FRMD6: variants seen among roughly 807,000 people sequenced by gnomAD.
The protein encoded by FRMD6 is FERM domain-containing protein 6.
A neutral mutation model predicts 73.2 loss-of-function variants in FRMD6; 37 were observed. The ratio of observed to expected loss-of-function variants is 0.51; its 90% CI spans 0.39 to 0.66. The LOEUF is 0.66. FRMD6 is among the 30% of genes least tolerant of loss of function. The pLI, the probability that FRMD6 is intolerant of heterozygous loss-of-function variation, is 0.00. For missense variants in FRMD6, 714 were observed against 780.5 expected, an observed-to-expected ratio of 0.91 and a Z score of 1.02; for synonymous variants, 273 against 282.2, an observed-to-expected ratio of 0.97 and a Z score of 0.33.
chr14:51,416,334 G>A, the FRMD6 span, among the ~76,000 whole-genome samples: 1 of 152,186 alleles, frequency 6.6e-6, no homozygotes, highest in Non-Finnish European at 1.5e-5. Flanking sequence ...ATGTGTACCA[G>A]AAATGCTGGT....
intron 9 of FRMD6, among the ~76,000 whole-genome samples, chr14:51,713,213 T>C (rs1897044099): frequency 6.6e-6 from 1 of 152,172 alleles, no homozygotes; most frequent in African/African-American, 2.4e-5. Flanking sequence ...TCCCAGCCAC[T>C]TTGGGAGGCC....
the FRMD6 span, among the ~76,000 whole-genome samples, chr14:51,455,568 G>T: frequency 1.3e-5 from 2 of 152,168 alleles, no homozygotes; most frequent in African/African-American, 4.8e-5. Flanking sequence ...AGCATTTTTA[G>T]CTCTGAGTTT....
At chr14:51,494,437 A>G (rs1279579111) in intron 1 of FRMD6, among the ~76,000 whole-genome samples, 1 of 152,276 alleles carries the variant, frequency 6.6e-6, no homozygotes, top group East Asian at 1.9e-4. Context: ...GTTCTGAGCA[A>G]GTCCAAAACC....
intron 2 of FRMD6, among the ~76,000 whole-genome samples, chr14:51,601,060 C>G (rs1467777873): frequency 6.6e-6 from 1 of 152,100 alleles, no homozygotes; most frequent in Non-Finnish European, 1.5e-5. Context: ...TAAGAAGCAC[C>G]CTGATGCCCA....
At chr14:51,546,885 A>G (rs1452315272) in intron 1 of FRMD6, 1 of 152,172 alleles carries the variant, frequency 6.6e-6, no homozygotes, top group African/African-American at 2.4e-5. Flanking sequence ...AAACCCGGGT[A>G]AAAGAGTGTT....
the FRMD6 span, among the ~76,000 whole-genome samples, chr14:51,406,916 T>G: frequency 6.6e-6 from 1 of 152,200 alleles, no homozygotes; most frequent in Non-Finnish European, 1.5e-5. Context: ...TTAGAACACC[T>G]TGTTGTTGGT....
chr14:51,401,701 G>A, the FRMD6 span, among the ~76,000 whole-genome samples: 2 of 150,836 alleles, frequency 1.3e-5, no homozygotes, highest in South Asian at 4.2e-4. Flanking sequence ...CGAATGGGAC[G>A]CTGACAGAGG....
chr14:51,495,520 C>T (rs747457874), intron 1 of FRMD6, among the ~76,000 whole-genome samples: 11 of 152,276 alleles, frequency 7.2e-5, no homozygotes, highest in Non-Finnish European at 1.5e-4. Context: ...CCTCAGAAAC[C>T]AGCAACAAAT....
the FRMD6 span, among the ~76,000 whole-genome samples, chr14:51,453,046 C>T: frequency 6.6e-6 from 1 of 151,440 alleles, no homozygotes; most frequent in Admixed American, 6.6e-5. Context: ...GAAAAGGGAA[C>T]AAGAGAGATA....
At chr14:51,423,651 A>G in the FRMD6 span, among the ~76,000 whole-genome samples, 618 of 151,808 alleles carry the variant, frequency 4.1e-3, 2 homozygotes, top group East Asian at 8.7e-3. Context: ...ATGTGCCAGG[A>G]CTCTCCGGAA....
rs541951054 is a variant in FRMD6, at chr14:51,608,007, T to G, written c.-147+37597T>G. ...AATTATTTGAGGCTCTGGGCAGTTT[T>G]CTGTGCATCAGATCCAGTAACACAA... On this transcript the variant is annotated intron_variant, in intron 2 of 14. Transcript: ENST00000356218. Among the ~76,000 whole-genome samples, 329 of 152,322 alleles carry G rather than the reference T, an allele frequency of 2.2e-3. 1 individual carries two copies. The highest frequency in any genetic ancestry group is 7.3e-3 in the African/African-American group (305 of 41,556).
At chr14:51,458,483 A>C in the FRMD6 span, among the ~76,000 whole-genome samples, 1 of 152,206 alleles carries the variant, frequency 6.6e-6, no homozygotes, top group Non-Finnish European at 1.5e-5. Flanking sequence ...AAATGGGTTA[A>C]GTCCTTTGAA....
rs760578165 is a variant in FRMD6 at position 51,712,586 on chromosome 14, T to G, written c.849+35T>G. On this transcript the variant is annotated intron_variant, in intron 9 of 13. Transcript: ENST00000344768. ...AAATAACTGGCTTAAAAGAAAAGTCTCATTAATTGCTTACTTTTTTGGGTT... is the reference window on the plus strand; with the variant it reads ...AAATAACTGGCTTAAAAGAAAAGTCGCATTAATTGCTTACTTTTTTGGGTT... 6 of 1,289,226 alleles carry G rather than the reference T, an allele frequency of 4.7e-6. No individual in the cohort carries two copies. The African/African-American group carries it at 8.9e-5, about 19-fold the overall frequency. The allele number at this position is 1,289,226 out of a possible 1,614,324, so 79.9% of individuals were successfully genotyped here.
chr14:51,605,828 T>C (rs1047978764), intron 2 of FRMD6, among the ~76,000 whole-genome samples: 7 of 152,246 alleles, frequency 4.6e-5, no homozygotes, highest in Non-Finnish European at 8.8e-5. Flanking sequence ...TATTCATCTG[T>C]AAAGGGAATT....
chr14:51,676,753 T>C (rs576189850), intron 1 of FRMD6, among the ~76,000 whole-genome samples: 67 of 152,248 alleles, frequency 4.4e-4, no homozygotes, highest in Middle Eastern at 3.4e-3. Context: ...TACCAAGTTA[T>C]GAAAAAAATT....
Position 51,721,730 on chromosome 14 carries a change from G to GGAAGGGAGGAAGGAA in FRMD6, c.1361-218_1361-217insAAGGGAGGAAGGAAG, listed in dbSNP as rs1566598337. 2.3e-3 allele frequency among the ~76,000 whole-genome samples: 261 copies of GGAAGGGAGGAAGGAA among 115,686 alleles called. 1 individual carries two copies. Among genetic ancestry groups the GGAAGGGAGGAAGGAA allele is most frequent in the Non-Finnish European group, 2.9e-3 (165 of 56,454 alleles). 75.9% of individuals were successfully genotyped at this position (115,686 alleles called of 152,430 possible). A position where few individuals can be genotyped will look rare whatever the true frequency, so the allele number is the denominator to read the frequency against. On this transcript the variant is annotated intron_variant, in intron 11 of 13. Transcript: ENST00000344768. ...AGGAAGGAAGGAAGGGAGGGAGGAA[G>GGAAGGGAGGAAGGAA]GGAGGGAGGAAGGAAGGGAGGAAGG...
At chr14:51,443,947 T>TTG in the FRMD6 span, among the ~76,000 whole-genome samples, 2 of 151,202 alleles carry the variant, frequency 1.3e-5, no homozygotes, top group Admixed American at 1.3e-4. Context: ...TTGTGAGTTT[T>TTG]TTTTTTTTTT....
chr14:51,597,228 TA>T (rs1455367367), intron 2 of FRMD6, among the ~76,000 whole-genome samples: 1 of 152,128 alleles, frequency 6.6e-6, no homozygotes, highest in Non-Finnish European at 1.5e-5. Flanking sequence ...ATCTTATGTT[TA>T]AAAAAATGAA....
chr14:51,407,781 G>T, the FRMD6 span, among the ~76,000 whole-genome samples: 1 of 152,018 alleles, frequency 6.6e-6, no homozygotes, highest in African/African-American at 2.4e-5. Context: ...ATCTCATTAT[G>T]ATTGTATTAT....
Sources: allele counts gnomAD v4.1 joint callset (sites outside exome capture counted in the v4.1 genomes callset), GRCh38; gene constraint gnomAD v4.1.1; transcripts MANE v1.5; gene names NCBI Gene and HGNC (gene_info 2026-07-23, HGNC 2026-07-21).